Variants in OGDH observed in about 807,000 individuals in gnomAD.
The protein encoded by OGDH is oxoglutarate dehydrogenase.
Under a neutral mutation model 116.6 loss-of-function variants are expected in OGDH, and 38 were observed. The ratio of observed to expected loss-of-function variants is 0.33; its 90% CI spans 0.25 to 0.43. The LOEUF is 0.43. OGDH is among the 20% of genes least tolerant of loss of function. OGDH has a pLI of 1.00. For missense variants in OGDH, 825 were observed against 1,357.2 expected (o/e 0.61, Z 6.16); for synonymous variants, 488 against 533.3 (o/e 0.92, Z 1.17).
At chr7:44,624,662 G>A (rs1785134937) in intron 2 of OGDH, 97 bp downstream of exon 2, 1 of 1,019,476 alleles carries the variant, frequency 9.8e-7, no homozygotes, top group Non-Finnish European at 1.5e-6. Context: ...GGAGTCAGCG[G>A]GCAGACAGGC....
chr7:44,622,142 A>G (rs1437826579), intron 1 of OGDH, among the ~76,000 whole-genome samples: 4 of 152,188 alleles, frequency 2.6e-5, no homozygotes, highest in Non-Finnish European at 5.9e-5. Flanking sequence ...GCAATTGGGT[A>G]TTTAATATTG....
chr7:44,632,185 G>T (rs1424441905), intron 2 of OGDH, among the ~76,000 whole-genome samples: 1 of 152,206 alleles, frequency 6.6e-6, no homozygotes, highest in Non-Finnish European at 1.5e-5. Flanking sequence ...TGGTGCAGGA[G>T]GAGTTGGGAT....
intron 10 of OGDH, among the ~76,000 whole-genome samples, chr7:44,682,910 C>T (rs982360676): frequency 2.6e-5 from 4 of 151,618 alleles, no homozygotes; most frequent in African/African-American, 4.8e-5. Flanking sequence ...GCACTTTGGG[C>T]GGCCGAGGCA....
chr7:44,677,346 A>T (rs1562665254), intron 9 of OGDH, among the ~76,000 whole-genome samples: 3 of 152,172 alleles, frequency 2.0e-5, no homozygotes. Flanking sequence ...AGAGGTGTGC[A>T]GGGGTGTGGG....
At chr7:44,674,726 T>G in intron 7 of OGDH, 169 bp downstream of exon 7, 1 of 704,692 alleles carries the variant, frequency 1.4e-6, no homozygotes, top group Non-Finnish European at 2.4e-6. Context: ...ATTCTCACAT[T>G]GCCTGCCTCT....
chr7:44,610,295 G>A (rs910930974), intron 1 of OGDH, among the ~76,000 whole-genome samples: 1 of 148,528 alleles, frequency 6.7e-6, no homozygotes, highest in Non-Finnish European at 1.5e-5. Flanking sequence ...TTTCATCTTG[G>A]TTTTTTTTTT....
At position 44,617,184 on chromosome 7, in the gene OGDH, C is replaced by T. The variant is rs1348629858; in HGVS notation, c.-27-7133C>T. ...CTGATCTCAGGTGATCCACCCACCT[C>T]GACCTCCCAAAGTGCTGGGATTACA... is the stretch of plus-strand genomic sequence containing the variant. On this transcript the variant is annotated intron_variant, in intron 1 of 22. Coordinates refer to ENST00000222673, the MANE Select transcript of OGDH (RefSeq NM_002541.4). 2.6e-5 allele frequency among the ~76,000 whole-genome samples: 4 copies of T among 151,876 alleles called. No homozygotes were observed. The South Asian group carries it at 8.3e-4, about 32-fold the overall frequency.
intron 4 of OGDH, among the ~76,000 whole-genome samples, chr7:44,654,569 T>C (rs1040241144): frequency 3.3e-5 from 5 of 152,228 alleles, no homozygotes; most frequent in African/African-American, 1.2e-4. Flanking sequence ...TTGATTGCTA[T>C]GTGCAGCGTG....
intron 9 of OGDH, among the ~76,000 whole-genome samples, chr7:44,680,394 T>C (rs544146173): frequency 6.6e-6 from 1 of 152,104 alleles, no homozygotes; most frequent in African/African-American, 2.4e-5. Flanking sequence ...TTGGGGACAC[T>C]GAGCAAATGA....
intron 5 of OGDH, among the ~76,000 whole-genome samples, chr7:44,673,243 A>C (rs1787547795): frequency 6.6e-6 from 1 of 152,330 alleles, no homozygotes; most frequent in East Asian, 1.9e-4. Flanking sequence ...ACTTGAGCTC[A>C]AGAGGTTGAG....
At position 44,675,953 on chromosome 7, in the gene OGDH, AC is replaced by A; in HGVS notation, c.1027-16del. On this transcript the variant is annotated splice_polypyrimidine_tract_variant and intron_variant, in intron 8 of 22. Transcript: ENST00000222673. ...ATCTCCTTGGCCAGGGTGCAAATTC[AC>A]TGTTTACCCCATCAGGGCTCCGGAG... 1.2e-6 allele frequency: 2 copies of A among 1,608,200 alleles called. No homozygotes were observed. Among genetic ancestry groups the A allele is most frequent in the Non-Finnish European group, 1.7e-6 (2 of 1,175,200 alleles).
intron 5 of OGDH, among the ~76,000 whole-genome samples, chr7:44,667,566 G>A (rs1787240242): frequency 6.6e-6 from 1 of 152,080 alleles, no homozygotes; most frequent in Non-Finnish European, 1.5e-5. Flanking sequence ...TACTAAGCCT[G>A]CCAGGAAATT....
chr7:44,700,234 C>A lies in OGDH; in HGVS notation c.2524C>A (p.Leu842Ile), dbSNP rs765069937. Reference protein sequence around the residue: ...CSTPGNFFHVLRRQILLPFRK... With the variant: ...CSTPGNFFHVIRRQILLPFRK... ...CACTCCTGGCAACTTCTTCCACGTG[C>A]TACGACGCCAGATCCTGCTGCCATT... Residue 842 changes from leucine to isoleucine, a missense_variant, in exon 19 of 23, where the codon CTA becomes ATA. Coordinates refer to ENST00000222673, the MANE Select transcript of OGDH (RefSeq NM_002541.4). 6.2e-7 allele frequency: 1 copy of A among 1,614,232 alleles called. No individual in the cohort carries two copies. Among genetic ancestry groups the A allele is most frequent in the Non-Finnish European group, 8.5e-7 (1 of 1,180,036 alleles).
Position 44,697,493 on chromosome 7 carries a change from G to T in OGDH, c.2175G>T (p.Val725=), listed in dbSNP as rs1195750402. The T allele has an allele frequency of 1.2e-6, 2 of 1,614,062 alleles. No homozygotes were observed. The highest frequency in any genetic ancestry group is 1.1e-5 in the South Asian group (1 of 91,080). Residue 725 remains valine, a synonymous_variant, in exon 16 of 23, where the codon GTG becomes GTT. Coordinates refer to ENST00000222673, the MANE Select transcript of OGDH (RefSeq NM_002541.4). The surrounding 1 kb of genome is among the most constrained non-coding windows in gnomAD (Gnocchi z 6.0). ...ACAGCTCACTGTCTGAGTACGGCGT[G>T]CTGGGTGAGTGCCTGGAGCCACACC... ...VCNSSLSEYG[V]LGFELGFAMA...
Position 44,647,642 on chromosome 7 carries a change from G to A in OGDH, c.415-15G>A, listed in dbSNP as rs766112350. 1.5e-5 allele frequency: 24 copies of A among 1,603,392 alleles called. No homozygotes were observed. The East Asian group carries it at 3.1e-4, about 21-fold the overall frequency. On this transcript the variant is annotated splice_polypyrimidine_tract_variant and intron_variant, in intron 3 of 22. Coordinates refer to ENST00000222673, the MANE Select transcript of OGDH (RefSeq NM_002541.4). Reference sequence around the variant, plus strand: ...TTTGTGTGTGTCCTTCCCTCTCATCGTTGGCCACTCATAGATACGAGGGCA... The same window carrying A: ...TTTGTGTGTGTCCTTCCCTCTCATCATTGGCCACTCATAGATACGAGGGCA...
chr7:44,634,547 A>T (rs1409712874), intron 2 of OGDH, among the ~76,000 whole-genome samples: 2 of 152,246 alleles, frequency 1.3e-5, no homozygotes, highest in Non-Finnish European at 2.9e-5. Flanking sequence ...ACCTGTACAG[A>T]CAGAAGATAA....
chr7:44,698,393 C>G, intron 18 of OGDH, 130 bp downstream of exon 18: 1 of 925,374 alleles, frequency 1.1e-6, no homozygotes, highest in South Asian at 1.5e-5. Flanking sequence ...TCCTGGGGAG[C>G]TCACGTGAGT....
At chr7:44,611,697 C>T (rs1168062953) in intron 1 of OGDH, among the ~76,000 whole-genome samples, 1 of 152,126 alleles carries the variant, frequency 6.6e-6, no homozygotes, top group Non-Finnish European at 1.5e-5. Context: ...AGGCGTGAGC[C>T]ACTGCGCCTG....
intron 2 of OGDH, among the ~76,000 whole-genome samples, chr7:44,632,204 G>T (rs1351044450): frequency 6.6e-6 from 1 of 152,138 alleles, no homozygotes; most frequent in Non-Finnish European, 1.5e-5. Context: ...ATCCCCAAGA[G>T]CAGGAGGGAC....
Sources: allele counts gnomAD v4.1 joint callset (sites outside exome capture counted in the v4.1 genomes callset), GRCh38; gene constraint gnomAD v4.1.1; non-coding constraint Gnocchi (gnomAD v3.1); transcripts MANE v1.5; gene names NCBI Gene and HGNC (gene_info 2026-07-23, HGNC 2026-07-21).